Variants in EDEM2 observed in about 807,000 individuals in gnomAD.
EDEM2 encodes ER degradation-enhancing alpha-mannosidase-like protein 2.
Under a neutral mutation model 64.8 loss-of-function variants are expected in EDEM2, and 39 were observed. The observed-to-expected ratio is 0.60, with a 90% CI of 0.47 to 0.79. EDEM2 has a LOEUF of 0.79. Among genes scored for constraint, EDEM2 ranks in the 30% least tolerant of loss-of-function variants. The probability of loss-of-function intolerance (pLI) is 0.00; values close to 1 mark genes in which losing one functional copy is unlikely to be tolerated. For missense variants in EDEM2, 609 were observed against 731.3 expected, an observed-to-expected ratio of 0.83 and a Z score of 1.93; for synonymous variants, 296 against 291.5, an observed-to-expected ratio of 1.02 and a Z score of -0.16.
At chr20:35,137,513 AC>A (rs2085593350) in intron 5 of EDEM2, among the ~76,000 whole-genome samples, 2 of 152,178 alleles carry the variant, frequency 1.3e-5, no homozygotes, top group African/African-American at 4.8e-5. Context: ...GCTAATGCTC[AC>A]ACCAACACCC....
chr20:35,117,922 A>G (rs1419378272), intron 10 of EDEM2, among the ~76,000 whole-genome samples: 1 of 149,308 alleles, frequency 6.7e-6, no homozygotes, highest in Non-Finnish European at 1.5e-5. Flanking sequence ...TTCCAAGTAG[A>G]AAAAAAAACC....
chr20:35,133,384 A>C (rs1003096317), intron 6 of EDEM2, among the ~76,000 whole-genome samples: 1 of 152,096 alleles, frequency 6.6e-6, no homozygotes, highest in African/African-American at 2.4e-5. Flanking sequence ...GCATGGCACC[A>C]ACAGAGTCTA....
intron 8 of EDEM2, among the ~76,000 whole-genome samples, chr20:35,125,201 C>CTTTT (rs11468187): frequency 7.8e-6 from 1 of 128,000 alleles, no homozygotes; most frequent in Non-Finnish European, 1.6e-5. Flanking sequence ...CCGGTGGCCA[C>CTTTT]TTTTTTTTTT....
rs764112524 is a variant in EDEM2, at chr20:35,118,701, A to G, written c.1133T>C (p.Met378Thr). 6 of 1,612,622 alleles carry G rather than the reference A, an allele frequency of 3.7e-6. No homozygotes were observed. Among genetic ancestry groups the G allele is most frequent in the South Asian group, 1.1e-5 (1 of 91,012 alleles). The change falls in exon 10 of 11, where the codon ATG becomes ACG. Residue 378 changes from methionine (M) to threonine (T), a missense_variant. Physicochemically the swap from Met to Thr is moderately conservative, Grantham distance 81. Transcript: ENST00000374492. ...ATCCCCCGTGGCACGGTAGAGGTAC[A>G]TTGCGCTTTCAATAAGTTCTGCAAA... ...PLRPELIESA[M>T]YLYRATGDPT...
In EDEM2 at chr20:35,118,720, C is replaced by T. The variant is rs753462189; in HGVS notation, c.1115-1G>A. 6.2e-7 allele frequency: 1 copy of T among 1,612,046 alleles called. No homozygotes were observed. Among genetic ancestry groups the T allele is most frequent in the Non-Finnish European group, 8.5e-7 (1 of 1,179,846 alleles). Reference sequence around the variant, plus strand: ...AGGTACATTGCGCTTTCAATAAGTTCTGCAAAGTCCAAAGCAGACCCTCCT... The same window carrying T: ...AGGTACATTGCGCTTTCAATAAGTTTTGCAAAGTCCAAAGCAGACCCTCCT... On this transcript the variant is annotated splice_acceptor_variant, in intron 9 of 10. Coordinates refer to ENST00000374492, the MANE Select transcript of EDEM2 (RefSeq NM_018217.3). LOFTEE classifies it high-confidence loss of function.
chr20:35,138,075 T>A, intron 4 of EDEM2, 70 bp from the exon 5 acceptor site: 1 of 1,577,664 alleles, frequency 6.3e-7, no homozygotes, highest in South Asian at 1.2e-5. Flanking sequence ...ATCTTTCCCC[T>A]GTGCGAGTTA....
intron 9 of EDEM2, among the ~76,000 whole-genome samples, chr20:35,121,533 A>G (rs2085368871): frequency 6.6e-6 from 1 of 152,184 alleles, no homozygotes; most frequent in Non-Finnish European, 1.5e-5. Context: ...GTACCGGTCC[A>G]CGGCCTGGGG....
chr20:35,134,421 A>C (rs1375688881), intron 6 of EDEM2, among the ~76,000 whole-genome samples: 3 of 152,186 alleles, frequency 2.0e-5, no homozygotes, highest in Admixed American at 2.0e-4. Flanking sequence ...TGAAGGCCGG[A>C]CGAGCTGATG....
intron 6 of EDEM2, chr20:35,134,201 G>T: frequency 2.2e-6 from 1 of 451,984 alleles, no homozygotes; most frequent in Admixed American, 2.4e-5. Context: ...TTTGGGAAAT[G>T]TTAAATTAAA....
In EDEM2 at chr20:35,126,613, T is replaced by G. The variant is rs956745230; in HGVS notation, c.845-238A>C. ...TTTTCCCTTTTAAGCCTCAGCCTTATGATCTATAAAATGGGGAGGCCAGGC... is the reference window on the plus strand; with the variant it reads ...TTTTCCCTTTTAAGCCTCAGCCTTAGGATCTATAAAATGGGGAGGCCAGGC... On this transcript the variant is annotated intron_variant, in intron 7 of 10. Coordinates refer to ENST00000374492, the MANE Select transcript of EDEM2 (RefSeq NM_018217.3). Among the ~76,000 whole-genome samples, 3 of 152,206 alleles carry G rather than the reference T, an allele frequency of 2.0e-5. No homozygotes were observed. The East Asian group carries it at 5.8e-4, about 29-fold the overall frequency.
intron 9 of EDEM2, among the ~76,000 whole-genome samples, chr20:35,122,649 C>T (rs1171215959): frequency 6.6e-6 from 1 of 152,256 alleles, no homozygotes; most frequent in Non-Finnish European, 1.5e-5. Flanking sequence ...GCTGGGATTA[C>T]AGGCGTGAGC....
chr20:35,145,135 C>T, intron 2 of EDEM2, 117 bp from the exon 3 acceptor site: 1 of 1,002,078 alleles, frequency 1.0e-6, no homozygotes, highest in Non-Finnish European at 1.5e-6. Context: ...CTCTGCCTGT[C>T]CCACTTACAG....
In EDEM2 at chr20:35,142,360, G is replaced by T. The variant is rs375577548; in HGVS notation, c.364+13C>A. The T allele has an allele frequency of 3.1e-5, 49 of 1,600,108 alleles. No individual in the cohort carries two copies. In the African/African-American group the frequency reaches 5.2e-4, roughly 17 times the overall value. On this transcript the variant is annotated intron_variant, in intron 4 of 10. Transcript: ENST00000374492. ...TCTTTTTTCTTTTAAAGGTCCTAGA[G>T]AGCAGCCCTTACCTCGAATGTTTGT... is the stretch of plus-strand genomic sequence containing the variant.
chr20:35,145,091 G>A (rs1354171180), intron 2 of EDEM2, 73 bp from the exon 3 acceptor site: 2 of 1,520,454 alleles, frequency 1.3e-6, no homozygotes, highest in African/African-American at 2.7e-5. Context: ...CCCTAGATCT[G>A]ATCCCCCTAA....
chr20:35,124,627 C>A (rs898812993), intron 8 of EDEM2, among the ~76,000 whole-genome samples: 1 of 152,150 alleles, frequency 6.6e-6, no homozygotes, highest in Non-Finnish European at 1.5e-5. Context: ...CTCAGCCTTC[C>A]AAAGTGCTGG....
chr20:35,146,167 G>A (rs2085729569), intron 2 of EDEM2, among the ~76,000 whole-genome samples: 1 of 151,804 alleles, frequency 6.6e-6, no homozygotes, highest in Admixed American at 6.6e-5. Flanking sequence ...GGAATTCTAG[G>A]GTATGGGAGA....
At chr20:35,139,588 T>G (rs2085624451) in intron 4 of EDEM2, among the ~76,000 whole-genome samples, 1 of 149,666 alleles carries the variant, frequency 6.7e-6, no homozygotes, top group Non-Finnish European at 1.5e-5. Context: ...AGGCGGAGGT[T>G]GCAGTGAGCT....
At chr20:35,134,064 G>A (rs953954809) in intron 6 of EDEM2, 5 of 455,748 alleles carry the variant, frequency 1.1e-5, no homozygotes, top group Non-Finnish European at 2.2e-5. Flanking sequence ...CTCAATTACT[G>A]TTAATCTTAT....
intron 4 of EDEM2, among the ~76,000 whole-genome samples, chr20:35,140,656 A>T (rs1600716854): frequency 6.6e-6 from 1 of 152,186 alleles, no homozygotes; most frequent in Admixed American, 6.5e-5. Context: ...GAGAACAAAG[A>T]TTTTCATTAA....
Sources: allele counts gnomAD v4.1 joint callset (sites outside exome capture counted in the v4.1 genomes callset), GRCh38; gene constraint gnomAD v4.1.1; transcripts MANE v1.5; gene names NCBI Gene and HGNC (gene_info 2026-07-23, HGNC 2026-07-21).